TRIM2: variants seen among roughly 807,000 people sequenced by gnomAD.
TRIM2 encodes the protein tripartite motif containing 2.
In TRIM2, 20 loss-of-function variants were observed where a neutral mutation model predicts 75.2. The observed-to-expected ratio is 0.27, with a 90% CI of 0.19 to 0.39. The LOEUF (loss-of-function observed/expected upper bound fraction) is 0.39. Ranked by LOEUF, TRIM2 falls within the 10% of genes least tolerant of loss-of-function variation. The probability of loss-of-function intolerance (pLI) is 1.00; values close to 1 mark genes in which losing one functional copy is unlikely to be tolerated. For missense variants in TRIM2, 660 were observed against 990.8 expected (o/e 0.67, Z 4.48); for synonymous variants, 373 against 388.3 (o/e 0.96, Z 0.46).
chr4:153,226,868 A>G (rs542237871), intron 1 of TRIM2, among the ~76,000 whole-genome samples: 17 of 152,254 alleles, frequency 1.1e-4, no homozygotes, highest in Non-Finnish European at 1.0e-4. Flanking sequence ...AAGAAAGGAA[A>G]GATAATTTTC....
rs2149583954 is a variant in TRIM2, at chr4:153,328,686, A to G, written c.2163+16A>G. ...CAGGATCCAGGTAGATCAATGTGCT[A>G]ATGTATATGGTTAGAGTGTTTGGTA... On this transcript the variant is annotated intron_variant, in intron 11 of 11. Transcript: ENST00000338700. 1 of 1,598,884 alleles carries G rather than the reference A, an allele frequency of 6.3e-7. No individual in the cohort carries two copies. The highest frequency in any genetic ancestry group is 2.3e-5 in the East Asian group (1 of 44,384).
intron 1 of TRIM2, among the ~76,000 whole-genome samples, chr4:153,241,155 A>C (rs2149842647): frequency 6.6e-6 from 1 of 152,332 alleles, no homozygotes; most frequent in South Asian, 2.1e-4. Context: ...TCTTGCTTAC[A>C]CCTAACAGAT....
intron 1 of TRIM2, among the ~76,000 whole-genome samples, chr4:153,227,882 G>A (rs1489770100): frequency 1.3e-5 from 2 of 152,068 alleles, no homozygotes; most frequent in African/African-American, 2.4e-5. Context: ...TACTCTCCTC[G>A]GTATTGGCTG....
At chr4:153,183,972 A>G (rs1732332922) in intron 1 of TRIM2, among the ~76,000 whole-genome samples, 1 of 152,098 alleles carries the variant, frequency 6.6e-6, no homozygotes, top group Admixed American at 6.5e-5. Flanking sequence ...TGCCTACCTC[A>G]TAGGGATTAA....
intron 1 of TRIM2, among the ~76,000 whole-genome samples, chr4:153,269,949 A>G (rs1406423732): frequency 1.3e-5 from 2 of 151,762 alleles, no homozygotes; most frequent in East Asian, 3.9e-4. Flanking sequence ...TTTTTTTGAG[A>G]TGGAGTCTCA....
rs10718802 is a variant in TRIM2, at chr4:153,326,979, CAAAAAAAAAA to C, written c.2023-1541_2023-1532del. On this transcript the variant is annotated intron_variant, in intron 10 of 11. Transcript: ENST00000338700. ...TGGGTGACAGAATAAGACTCCATCT[CAAAAAAAAAA>C]AAAAAAAAAGAAAGAAAGATAAACA... Among the ~76,000 whole-genome samples, 6 of 98,978 alleles carry C rather than the reference CAAAAAAAAAA, an allele frequency of 6.1e-5. 1 individual carries two copies. The allele number at this position is 98,978 out of a possible 152,430, so 64.9% of individuals were successfully genotyped here.
intron 1 of TRIM2, among the ~76,000 whole-genome samples, chr4:153,206,366 T>C (rs1186801366): frequency 6.6e-6 from 1 of 152,240 alleles, no homozygotes; most frequent in Non-Finnish European, 1.5e-5. Flanking sequence ...GATTGACTTC[T>C]TGGGGTCACT....
chr4:153,278,551 C>G (rs1758523813), intron 3 of TRIM2, among the ~76,000 whole-genome samples: 1 of 152,166 alleles, frequency 6.6e-6, no homozygotes, highest in Non-Finnish European at 1.5e-5. Flanking sequence ...GTAATCCCAG[C>G]ACTTTGGGAG....
intron 1 of TRIM2, among the ~76,000 whole-genome samples, chr4:153,266,312 T>C (rs1755051624): frequency 6.7e-6 from 1 of 150,344 alleles, no homozygotes. Flanking sequence ...TGGGACTATG[T>C]ATGTGTGCCA....
At chr4:153,164,269 G>T (rs568779903) in intron 1 of TRIM2, among the ~76,000 whole-genome samples, 18 of 152,228 alleles carry the variant, frequency 1.2e-4, no homozygotes, top group African/African-American at 4.1e-4. Flanking sequence ...CTCCCAAAGT[G>T]CTGGGATTAC....
intron 11 of TRIM2, among the ~76,000 whole-genome samples, chr4:153,334,095 G>C (rs564453337): frequency 1.2e-4 from 18 of 152,098 alleles, no homozygotes; most frequent in African/African-American, 4.3e-4. Context: ...GGAGGAAAAG[G>C]ATGTGAGGCT....
At chr4:153,204,338 A>G, upstream of TRIM2, 1 of 625,792 alleles carries the variant, frequency 1.6e-6, no homozygotes, top group Non-Finnish European at 2.9e-6. Flanking sequence ...ACAGAGCCCA[A>G]AGAGGCTGAT....
At chr4:153,242,667 G>C (rs917858097) in intron 1 of TRIM2, among the ~76,000 whole-genome samples, 2 of 152,136 alleles carry the variant, frequency 1.3e-5, no homozygotes, top group African/African-American at 4.8e-5. Flanking sequence ...GAACAGGCTC[G>C]ACAGAACTAC....
chr4:153,251,903 C>T (rs1010930389), intron 1 of TRIM2, among the ~76,000 whole-genome samples: 7 of 150,048 alleles, frequency 4.7e-5, no homozygotes, highest in African/African-American at 1.8e-4. Flanking sequence ...ATTGCTTGAG[C>T]CCAGGAGGTC....
Position 153,295,065 on chromosome 4 carries a change from A to G in TRIM2, c.787-248A>G, listed in dbSNP as rs1367652868. ...GTGACCTTTCTGTTTTCCCCTCTCCAAAACACATGAGCCAAGAAATACATG... is the reference window on the plus strand; with the variant it reads ...GTGACCTTTCTGTTTTCCCCTCTCCGAAACACATGAGCCAAGAAATACATG... On this transcript the variant is annotated intron_variant, in intron 5 of 11. Transcript: ENST00000338700. This position sits in a 1 kb window ranked among gnomAD's most constrained non-coding sequence, Gnocchi z 7.2. 5.3e-5 allele frequency among the ~76,000 whole-genome samples: 8 copies of G among 152,378 alleles called. No homozygotes were observed. The highest frequency in any genetic ancestry group is 1.2e-4 in the Non-Finnish European group (8 of 68,030).
intron 1 of TRIM2, among the ~76,000 whole-genome samples, chr4:153,260,311 G>C (rs1389787847): frequency 6.6e-6 from 1 of 152,026 alleles, no homozygotes; most frequent in Non-Finnish European, 1.5e-5. Context: ...GAGACCCCGA[G>C]CATCTTGACT....
At chr4:153,169,743 T>G (rs1048015314) in intron 1 of TRIM2, among the ~76,000 whole-genome samples, 3 of 152,242 alleles carry the variant, frequency 2.0e-5, no homozygotes, top group African/African-American at 7.2e-5. Context: ...AGAATCAACC[T>G]TGTGAAATAT....
intron 1 of TRIM2, among the ~76,000 whole-genome samples, chr4:153,198,068 G>A (rs1276878032): frequency 1.3e-5 from 2 of 152,050 alleles, no homozygotes; most frequent in African/African-American, 4.8e-5. Context: ...AAGCCACCCA[G>A]CTTATGGCAT....
chr4:153,269,992 G>C (rs897380222), intron 1 of TRIM2, among the ~76,000 whole-genome samples: 5 of 152,010 alleles, frequency 3.3e-5, no homozygotes, highest in African/African-American at 1.2e-4. Context: ...GCAGTGGCGC[G>C]ATCTCAGCTC....
Sources: gnomAD v4.1 joint callset for allele counts (sites outside exome capture counted in the v4.1 genomes callset) on GRCh38, gnomAD v4.1.1 for gene constraint, Gnocchi (gnomAD v3.1) non-coding constraint, MANE v1.5 for transcripts, NCBI Gene and HGNC (gene_info 2026-07-23, HGNC 2026-07-21) for gene names.